The following TGFB1 variants were observed in gnomAD, a reference collection of about 807,000 sequenced individuals.
TGFB1 encodes transforming growth factor beta-1 proprotein.
TGFB1 carries 19 observed loss-of-function variants against 43.8 expected under a neutral mutation model. That is an observed-to-expected ratio of 0.43 (90% CI 0.30 to 0.64). The LOEUF (loss-of-function observed/expected upper bound fraction) is 0.64, where lower values mean the gene tolerates loss of function less well. Ranked by LOEUF, TGFB1 falls within the 30% of genes least tolerant of loss-of-function variation. The probability of loss-of-function intolerance (pLI) is 0.11; values close to 1 mark genes in which losing one functional copy is unlikely to be tolerated. For missense variants in TGFB1, 445 were observed against 529.8 expected (o/e 0.84, Z 1.57); for synonymous variants, 221 against 236.3 (o/e 0.94, Z 0.60).
Position 41,331,074 on chromosome 19 carries a change from A to G in TGFB1, c.1151T>C (p.Val384Ala), listed in dbSNP as rs1347958164. 6.3e-7 allele frequency: 1 copy of G among 1,579,140 alleles called. No individual in the cohort carries two copies. The highest frequency in any genetic ancestry group is 8.6e-7 in the Non-Finnish European group (1 of 1,164,678). The change falls in exon 7 of 7, where the codon GTG (valine) becomes GCG (alanine). Residue 384 changes from valine to alanine, a missense_variant. Physicochemically the swap from Val to Ala is moderately conservative, Grantham distance 64 (BLOSUM62 0). Around this residue, in one of 3 missense-constraint regions of TGFB1, gnomAD observed 56 missense variants for 46.9 expected, o/e 1.19. Coordinates refer to ENST00000221930, the MANE Select transcript of TGFB1 (RefSeq NM_000660.7). ...PKVEQLSNMI[V>A]RSCKCS ...ACCTCAGCTGCACTTGCAGGAGCGC[A>G]CGATCATGTTGGACAGCTGCTCCAC...
chr19:41,336,571 T>G (rs943034277), intron 5 of TGFB1, among the ~76,000 whole-genome samples: 4 of 151,124 alleles, frequency 2.6e-5, no homozygotes, highest in East Asian at 2.0e-4. Flanking sequence ...TTTTTTTTTT[T>G]GGGAGATGGG....
In TGFB1 at chr19:41,353,148, G is replaced by A; in HGVS notation, c.-104C>T. On this transcript the variant is annotated 5_prime_UTR_variant, in exon 1 of 7. Coordinates refer to ENST00000221930, the MANE Select transcript of TGFB1 (RefSeq NM_000660.7). This position sits in a 1 kb window ranked among gnomAD's most constrained non-coding sequence, Gnocchi z 5.9. The stretch of plus-strand genomic sequence containing the variant: ...CTGGGGGTCTCCCGGCAAAAGGTAG[G>A]AGGGCCTCGAGGGAAAGCTGAGGTC... 2 of 1,365,236 alleles carry A rather than the reference G, an allele frequency of 1.5e-6. No individual in the cohort carries two copies. The highest frequency in any genetic ancestry group is 1.6e-5 in the South Asian group (1 of 63,670). The allele number at this position is 1,365,236 out of a possible 1,614,324, so 84.6% of individuals were successfully genotyped here. A position where few individuals can be genotyped will look rare whatever the true frequency, so the allele number is the denominator to read the frequency against.
In TGFB1 at chr19:41,340,181, G is replaced by A. The variant is rs371478574; in HGVS notation, c.860+1702C>T. 1.6e-4 allele frequency among the ~76,000 whole-genome samples: 24 copies of A among 151,120 alleles called. 1 individual carries two copies. Among genetic ancestry groups the A allele is most frequent in the East Asian group, 1.2e-3 (6 of 5,164 alleles). The stretch of plus-strand genomic sequence containing the variant: ...TCTTGGCATTCCTGAATTCCAGTAT[G>A]CCAGTATTGCATCCCAACATTCCAA... On this transcript the variant is annotated intron_variant, in intron 5 of 6. Transcript: ENST00000221930.
rs199512217 is a variant in TGFB1, at chr19:41,342,260, C to A, written c.635-13G>T. 1 of 1,583,282 alleles carries A rather than the reference C, an allele frequency of 6.3e-7. No homozygotes were observed. The highest frequency in any genetic ancestry group is 8.6e-7 in the Non-Finnish European group (1 of 1,165,674). ...CCCTCAATTTCCCCTGTAGGAGTGG[C>A]GAGAGGGAAGCCAGTCTGAGAGTGC... On this transcript the variant is annotated splice_polypyrimidine_tract_variant and intron_variant, in intron 3 of 6. Coordinates refer to ENST00000221930, the MANE Select transcript of TGFB1 (RefSeq NM_000660.7).
rs1393172932 is a variant in TGFB1, at chr19:41,332,124, G to A, written c.1014+4C>T. ...CATCTCGTAGCCCGGTGGGCCAGAC[G>A]TACCTTGCTGTACTGCGTGTCCAGG... On this transcript the variant is annotated splice_donor_region_variant and intron_variant, in intron 6 of 6. Coordinates refer to ENST00000221930, the MANE Select transcript of TGFB1 (RefSeq NM_000660.7). 8 of 1,609,930 alleles carry A rather than the reference G, an allele frequency of 5.0e-6. No homozygotes were observed. Among genetic ancestry groups the A allele is most frequent in the South Asian group, 4.4e-5 (4 of 91,012 alleles).
At chr19:41,338,166 T>C (rs2038009484) in intron 5 of TGFB1, among the ~76,000 whole-genome samples, 1 of 151,228 alleles carries the variant, frequency 6.6e-6, no homozygotes, top group African/African-American at 2.4e-5. Flanking sequence ...CACTCCAGCC[T>C]GGGTGACACA....
At chr19:41,352,634 C>T in intron 1 of TGFB1, 56 bp downstream of exon 1, 1 of 1,590,746 alleles carries the variant, frequency 6.3e-7, no homozygotes, top group Non-Finnish European at 8.6e-7. Flanking sequence ...GTGGCCCCGG[C>T]ACTCCGGCGC....
intron 5 of TGFB1, among the ~76,000 whole-genome samples, chr19:41,335,787 TA>T (rs374953974): frequency 2.2e-3 from 333 of 152,126 alleles, no homozygotes; most frequent in African/African-American, 7.8e-3. Context: ...CCAAGGAGTT[TA>T]AGACCAGCCT....
chr19:41,345,071 T>A (rs922420807), intron 2 of TGFB1, among the ~76,000 whole-genome samples: 6 of 152,156 alleles, frequency 3.9e-5, no homozygotes, highest in African/African-American at 1.4e-4. Flanking sequence ...GAGAAAAAGC[T>A]CAGGCTGCGG....
intron 5 of TGFB1, among the ~76,000 whole-genome samples, chr19:41,339,291 A>G (rs1238053188): frequency 6.6e-6 from 1 of 151,626 alleles, no homozygotes; most frequent in East Asian, 1.9e-4. Context: ...GTTTTTTTGT[A>G]TTTCTTGTAC....
intron 5 of TGFB1, among the ~76,000 whole-genome samples, chr19:41,337,047 T>C (rs925584453): frequency 1.3e-5 from 2 of 151,952 alleles, no homozygotes; most frequent in Non-Finnish European, 2.9e-5. Context: ...AACCTGTGCC[T>C]CCCAGGTTCA....
intron 1 of TGFB1, chr19:41,350,730 G>A (rs967123775): frequency 6.6e-6 from 1 of 152,360 alleles, no homozygotes; most frequent in Admixed American, 6.5e-5. Flanking sequence ...AGAGACTGGT[G>A]AGAAAGGCAG....
chr19:41,353,884 G>A lies in TGFB1; in HGVS notation c.-840C>T, dbSNP rs1329647971. 3.3e-5 allele frequency: 6 copies of A among 184,182 alleles called. No homozygotes were observed. Among genetic ancestry groups the A allele is most frequent in the Non-Finnish European group, 6.7e-5 (6 of 89,346 alleles). The allele number at this position is 184,182 out of a possible 1,614,324, so 11.4% of individuals were successfully genotyped here. ...GTCTGGCTGCTCCGCGGAGGGAGGT[G>A]GGAGGGAGATGGCCCAGGGCGCGAA... On this transcript the variant is annotated 5_prime_UTR_variant, in exon 1 of 7. Transcript: ENST00000221930. This position sits in a 1 kb window ranked among gnomAD's most constrained non-coding sequence, Gnocchi z 5.9.
In TGFB1 at chr19:41,348,464, G is replaced by T; in HGVS notation, c.356-9C>A. ...GAACTTGTCATAGATTTCTAGCAGG[G>T]AGAAATGAAGGGAGGCGATCAGGGG... On this transcript the variant is annotated splice_polypyrimidine_tract_variant and intron_variant, in intron 1 of 6. Transcript: ENST00000221930. 1.2e-6 allele frequency: 2 copies of T among 1,612,066 alleles called. No individual in the cohort carries two copies. Among genetic ancestry groups the T allele is most frequent in the South Asian group, 1.1e-5 (1 of 90,984 alleles).
Position 41,331,010 on chromosome 19 carries a change from T to C in TGFB1, c.*42A>G, listed in dbSNP as rs1040463951. On this transcript the variant is annotated 3_prime_UTR_variant, in exon 7 of 7. Coordinates refer to ENST00000221930, the MANE Select transcript of TGFB1 (RefSeq NM_000660.7). ...GCAAGGCAGCGGGGGCGGGGCGGGGTGGGGCCGGGCCTGCCGGGGCGGGGC... is the reference window on the plus strand; with the variant it reads ...GCAAGGCAGCGGGGGCGGGGCGGGGCGGGGCCGGGCCTGCCGGGGCGGGGC... 4.3e-6 allele frequency: 4 copies of C among 937,120 alleles called. No individual in the cohort carries two copies. Among genetic ancestry groups the C allele is most frequent in the Non-Finnish European group, 5.0e-6 (4 of 804,544 alleles). 58.1% of individuals were successfully genotyped at this position (937,120 alleles called of 1,614,324 possible).
intron 3 of TGFB1, among the ~76,000 whole-genome samples, chr19:41,343,230 G>A (rs1484670975): frequency 6.6e-6 from 1 of 151,728 alleles, no homozygotes; most frequent in Admixed American, 6.6e-5. Flanking sequence ...CACCTCCTGG[G>A]TTCAAGCAAT....
intron 5 of TGFB1, among the ~76,000 whole-genome samples, chr19:41,334,276 G>A (rs958474091): frequency 2.0e-5 from 3 of 152,066 alleles, no homozygotes; most frequent in Non-Finnish European, 4.4e-5. Flanking sequence ...TCAGGAGGCT[G>A]AGGCACAAGA....
At chr19:41,332,737 C>T (rs1599882734) in intron 5 of TGFB1, among the ~76,000 whole-genome samples, 1 of 152,188 alleles carries the variant, frequency 6.6e-6, no homozygotes, top group Non-Finnish European at 1.5e-5. Flanking sequence ...GGCATGGTGG[C>T]TCACACCTTT....
chr19:41,350,270 T>G (rs998124725), intron 1 of TGFB1, among the ~76,000 whole-genome samples: 1 of 151,918 alleles, frequency 6.6e-6, no homozygotes, highest in Non-Finnish European at 1.5e-5. Flanking sequence ...TAGGAATGGC[T>G]GTAGTGGGGA....
Sources: gnomAD v4.1 joint callset for allele counts (sites outside exome capture counted in the v4.1 genomes callset) on GRCh38, gnomAD v4.1.1 for gene constraint, gnomAD v4.1.1 regional missense constraint, Gnocchi (gnomAD v3.1) non-coding constraint, MANE v1.5 for transcripts, NCBI Gene and HGNC (gene_info 2026-07-23, HGNC 2026-07-21) for gene names.